ATG10: variants seen among roughly 807,000 people sequenced by gnomAD.
ATG10 encodes autophagy related 10, also known as ubiquitin-like-conjugating enzyme ATG10.
A neutral mutation model predicts 32.1 loss-of-function variants in ATG10; 30 were observed. That is an observed-to-expected ratio of 0.94 (90% confidence interval 0.70 to 1.27). ATG10 has a LOEUF of 1.27. Ranked by LOEUF, ATG10 falls within the 50% of genes most tolerant of loss-of-function variation. The pLI, the probability that ATG10 is intolerant of heterozygous loss-of-function variation, is 0.00. For synonymous variants in ATG10, 87 were observed against 91.5 expected, an observed-to-expected ratio of 0.95 and a Z score of 0.28; for missense variants, 233 against 262.3, an observed-to-expected ratio of 0.89 and a Z score of 0.77.
Position 82,045,286 on chromosome 5 carries a change from A to G in ATG10, c.109-13209A>G, listed in dbSNP as rs550448189. On this transcript the variant is annotated intron_variant, in intron 2 of 7. Coordinates refer to ENST00000282185, the MANE Select transcript of ATG10 (RefSeq NM_031482.5). ...ATTTGAAGGATACCCCATTTATGTG[A>G]TGTGTAAAATCAACAAATACAATTT... Among the ~76,000 whole-genome samples, 4 of 152,270 alleles carry G rather than the reference A, an allele frequency of 2.6e-5. No homozygotes were observed. In the East Asian group the frequency reaches 7.7e-4, roughly 29 times the overall value.
chr5:82,244,956 TTTA>T (rs199949676), intron 5 of ATG10, among the ~76,000 whole-genome samples: 7,661 of 152,244 alleles, frequency 0.05, 268 homozygotes, highest in South Asian at 0.071. Context: ...AGTAGAAGTG[TTTA>T]TTAAGTTGTA....
At chr5:82,181,097 C>T (rs776842036) in intron 5 of ATG10, among the ~76,000 whole-genome samples, 17 of 152,062 alleles carry the variant, frequency 1.1e-4, no homozygotes, top group African/African-American at 3.1e-4. Flanking sequence ...TATCGTAGTA[C>T]GGTATTACAG....
chr5:82,242,279 AAG>A (rs1192591266), intron 5 of ATG10, among the ~76,000 whole-genome samples: 6 of 152,148 alleles, frequency 3.9e-5, no homozygotes, highest in Non-Finnish European at 8.8e-5. Flanking sequence ...AATACAGTTA[AAG>A]AGAGCATTAA....
At chr5:82,068,403 T>C (rs977553563) in intron 3 of ATG10, among the ~76,000 whole-genome samples, 2 of 151,740 alleles carry the variant, frequency 1.3e-5, no homozygotes, top group Non-Finnish European at 2.9e-5. Context: ...TGTCATAGGA[T>C]TGGGGGAGAG....
chr5:82,187,143 TA>T (rs943042143), intron 5 of ATG10, among the ~76,000 whole-genome samples: 11 of 149,076 alleles, frequency 7.4e-5, no homozygotes, highest in East Asian at 2.0e-4. Flanking sequence ...CCCCATCTCT[TA>T]AAAAAAAATG....
intron 2 of ATG10, among the ~76,000 whole-genome samples, chr5:82,024,009 T>C (rs1454699892): frequency 6.6e-6 from 1 of 152,206 alleles, no homozygotes; most frequent in Non-Finnish European, 1.5e-5. Context: ...CTGTTTATTA[T>C]GTAAATGACC....
chr5:82,197,460 C>A (rs1744899573), intron 5 of ATG10, among the ~76,000 whole-genome samples: 1 of 17,694 alleles, frequency 5.7e-5, no homozygotes. Flanking sequence ...ATCTGTCTAT[C>A]TACCTACCTA....
At chr5:82,234,689 A>G (rs1158573875) in intron 5 of ATG10, among the ~76,000 whole-genome samples, 3 of 152,224 alleles carry the variant, frequency 2.0e-5, no homozygotes, top group African/African-American at 7.2e-5. Flanking sequence ...TATCTTTACA[A>G]TAATTATATG....
chr5:82,004,278 T>C (rs1761929702), intron 2 of ATG10, among the ~76,000 whole-genome samples: 1 of 152,220 alleles, frequency 6.6e-6, no homozygotes, highest in Non-Finnish European at 1.5e-5. Context: ...GAGCTATTAC[T>C]ACCTGAGCCT....
chr5:82,118,636 C>T (rs1199173580), intron 3 of ATG10, among the ~76,000 whole-genome samples: 1 of 151,778 alleles, frequency 6.6e-6, no homozygotes, highest in Non-Finnish European at 1.5e-5. Context: ...AATTGAGATG[C>T]CATGGGACAT....
Position 82,245,171 on chromosome 5 carries a change from A to C in ATG10, c.454-7391A>C, listed in dbSNP as rs144735179. On this transcript the variant is annotated intron_variant, in intron 5 of 7. Transcript: ENST00000282185. The stretch of plus-strand genomic sequence containing the variant: ...TCTGAAAAGGGTACGTTAAACAAAT[A>C]AGGAGTAGAGTTTAGATTTTTTAAA... Among the ~76,000 whole-genome samples the C allele has an allele frequency of 7.5e-3, 1,143 of 152,314 alleles. 8 individuals are homozygous for C. The highest frequency in any genetic ancestry group is 0.011 in the Non-Finnish European group (721 of 68,024).
At chr5:82,240,431 G>T (rs1746740867) in intron 5 of ATG10, among the ~76,000 whole-genome samples, 1 of 152,204 alleles carries the variant, frequency 6.6e-6, no homozygotes, top group Non-Finnish European at 1.5e-5. Flanking sequence ...GACAAATGTT[G>T]CATGTTCTCA....
chr5:82,168,074 T>G (rs1473409797), intron 4 of ATG10, among the ~76,000 whole-genome samples: 1 of 152,128 alleles, frequency 6.6e-6, no homozygotes, highest in Non-Finnish European at 1.5e-5. Context: ...ATGCTGTTTT[T>G]TTTTTCTTTT....
At chr5:82,094,587 A>C (rs1031039616) in intron 3 of ATG10, among the ~76,000 whole-genome samples, 1 of 152,146 alleles carries the variant, frequency 6.6e-6, no homozygotes, top group African/African-American at 2.4e-5. Context: ...AAATACGCTC[A>C]TAAGTTTTAA....
intron 1 of ATG10, among the ~76,000 whole-genome samples, chr5:81,974,890 C>G (rs1427255894): frequency 6.6e-6 from 1 of 152,222 alleles, no homozygotes; most frequent in African/African-American, 2.4e-5. Flanking sequence ...TCATTTCAAT[C>G]TGTTCCAAGG....
At chr5:81,982,061 C>G (rs1462916121) in intron 1 of ATG10, among the ~76,000 whole-genome samples, 1 of 152,186 alleles carries the variant, frequency 6.6e-6, no homozygotes, top group East Asian at 1.9e-4. Context: ...TTAGTCTCTG[C>G]TAAAGCAGTT....
chr5:82,104,136 G>A (rs1765374119), intron 3 of ATG10, among the ~76,000 whole-genome samples: 1 of 151,960 alleles, frequency 6.6e-6, no homozygotes, highest in African/African-American at 2.4e-5. Flanking sequence ...ATTATGAAAA[G>A]TACTGGTATG....
intron 2 of ATG10, among the ~76,000 whole-genome samples, chr5:82,033,760 A>G (rs1455912348): frequency 2.1e-5 from 3 of 144,612 alleles, no homozygotes; most frequent in Admixed American, 7.0e-5. Flanking sequence ...ACACACACAC[A>G]TATGTGTGTA....
At chr5:82,067,362 AT>A (rs1763970913) in intron 3 of ATG10, among the ~76,000 whole-genome samples, 1 of 152,194 alleles carries the variant, frequency 6.6e-6, no homozygotes, top group Non-Finnish European at 1.5e-5. Context: ...TTTAACTAGT[AT>A]ATAACAAAAG....
Sources: gnomAD v4.1 joint callset for allele counts (sites outside exome capture counted in the v4.1 genomes callset) on GRCh38, gnomAD v4.1.1 for gene constraint, MANE v1.5 for transcripts, NCBI Gene and HGNC (gene_info 2026-07-23, HGNC 2026-07-21) for gene names.